The following MAN1A1 variants were observed in gnomAD, a reference collection of about 807,000 sequenced individuals.
MAN1A1 encodes the protein mannosidase alpha class 1A member 1.
MAN1A1 carries 29 observed loss-of-function variants against 70.8 expected under a neutral mutation model. The observed-to-expected ratio is 0.41, with a 90% CI of 0.31 to 0.56. The LOEUF (loss-of-function observed/expected upper bound fraction) is 0.56. Among genes scored for constraint, MAN1A1 ranks in the 20% least tolerant of loss-of-function variants. The pLI is 0.29. For synonymous variants in MAN1A1, 349 were observed against 330.1 expected (o/e 1.06, Z -0.62); for missense variants, 747 against 841.3 (o/e 0.89, Z 1.39).
At chr6:119,268,104 CATTA>C in intron 5 of MAN1A1, among the ~76,000 whole-genome samples, 1 of 152,278 alleles carries the variant, frequency 6.6e-6, no homozygotes. Context: ...GGTCCAGATC[CATTA>C]ATTCATCAGG....
chr6:119,244,204 T>C (rs1342633026), intron 6 of MAN1A1, among the ~76,000 whole-genome samples: 1 of 152,098 alleles, frequency 6.6e-6, no homozygotes, highest in Non-Finnish European at 1.5e-5. Context: ...ACAGAGGTAA[T>C]TTTTCTGCTT....
intron 2 of MAN1A1, among the ~76,000 whole-genome samples, chr6:119,347,731 C>T (rs1414033651): frequency 6.6e-6 from 1 of 152,170 alleles, no homozygotes; most frequent in Non-Finnish European, 1.5e-5. Context: ...TCACATGTTT[C>T]AAGTTCTAAC....
At chr6:119,291,142 G>A (rs1288786779) in intron 4 of MAN1A1, among the ~76,000 whole-genome samples, 2 of 151,878 alleles carry the variant, frequency 1.3e-5, no homozygotes, top group African/African-American at 4.8e-5. Context: ...TCATGGGGAG[G>A]GGTCTTTCCT....
At chr6:119,274,380 T>C (rs17514279) in intron 5 of MAN1A1, among the ~76,000 whole-genome samples, 4,429 of 152,316 alleles carry the variant, frequency 0.029, 88 homozygotes, top group South Asian at 0.073. Flanking sequence ...ATATGGTAGA[T>C]TTACGAGCTA....
intron 5 of MAN1A1, among the ~76,000 whole-genome samples, chr6:119,253,411 C>T (rs778572543): frequency 2.6e-5 from 4 of 152,174 alleles, no homozygotes; most frequent in South Asian, 2.1e-4. Context: ...CCCGACTGCA[C>T]GTTGCAAAAC....
chr6:119,287,930 T>C (rs763941573), intron 5 of MAN1A1, among the ~76,000 whole-genome samples: 2 of 152,044 alleles, frequency 1.3e-5, no homozygotes, highest in Admixed American at 6.6e-5. Flanking sequence ...GTTGAGCTTC[T>C]TATATAGCAT....
chr6:119,221,206 T>C (rs912386655), intron 6 of MAN1A1, among the ~76,000 whole-genome samples: 5 of 152,116 alleles, frequency 3.3e-5, no homozygotes, highest in African/African-American at 1.2e-4. Flanking sequence ...TATGTAATTT[T>C]TATTAGATAA....
intron 2 of MAN1A1, among the ~76,000 whole-genome samples, chr6:119,325,307 T>C (rs1773117394): frequency 1.3e-5 from 2 of 152,154 alleles, no homozygotes; most frequent in South Asian, 2.1e-4. Context: ...TTTTACACTA[T>C]ACCTGCTAAG....
chr6:119,208,753 C>T (rs1249062032), intron 6 of MAN1A1, among the ~76,000 whole-genome samples: 1 of 152,084 alleles, frequency 6.6e-6, no homozygotes, highest in African/African-American at 2.4e-5. Flanking sequence ...GAGGATTGCT[C>T]TGGATTGATG....
rs964865391 is a variant in MAN1A1 at position 119,260,216 on chromosome 6, T to C, written c.898-11862A>G. ...CAACCCACTCACAGCTCTGGTAGTATAAAAACAGGTCTTGAGCCAATTTGG... is the reference window on the plus strand; with the variant it reads ...CAACCCACTCACAGCTCTGGTAGTACAAAAACAGGTCTTGAGCCAATTTGG... On this transcript the variant is annotated intron_variant, in intron 5 of 12. Transcript: ENST00000368468. Among the ~76,000 whole-genome samples, 7 of 152,326 alleles carry C rather than the reference T, an allele frequency of 4.6e-5. No individual in the cohort carries two copies. In the East Asian group the frequency reaches 1.3e-3, roughly 29 times the overall value.
chr6:119,243,647 C>T (rs947363422), intron 6 of MAN1A1, among the ~76,000 whole-genome samples: 1 of 152,076 alleles, frequency 6.6e-6, no homozygotes, highest in East Asian at 1.9e-4. Flanking sequence ...CAGCTATGTA[C>T]TATTCTTAAT....
At chr6:119,244,370 C>A (rs1535934) in intron 6 of MAN1A1, among the ~76,000 whole-genome samples, 1 of 151,936 alleles carries the variant, frequency 6.6e-6, no homozygotes, top group Admixed American at 6.6e-5. Context: ...GTAACTTATG[C>A]ATTCTCATTC....
In MAN1A1 at chr6:119,348,843, G is replaced by A. The variant is rs752270835; in HGVS notation, c.223C>T (p.His75Tyr). ...SSKLLSGVLFHSSPALQPAAD... is the reference protein window; with the variant it reads ...SSKLLSGVLFYSSPALQPAAD... ...GCCGGCTGCAAGGCGGGGCTGGAGTGGAACAGGACCCCGCTGAGCAGCTTG... is the reference window on the plus strand; with the variant it reads ...GCCGGCTGCAAGGCGGGGCTGGAGTAGAACAGGACCCCGCTGAGCAGCTTG... The change falls in exon 2 of 13, where the codon CAC (histidine) becomes TAC (tyrosine). Residue 75 changes from histidine to tyrosine, a missense_variant. Around this residue, in one of 2 missense-constraint regions of MAN1A1, gnomAD observed 328 missense variants for 293.1 expected, o/e 1.12. Coordinates refer to ENST00000368468, the MANE Select transcript of MAN1A1 (RefSeq NM_005907.4). 6.7e-7 allele frequency: 1 copy of A among 1,503,072 alleles called. No homozygotes were observed. The highest frequency in any genetic ancestry group is 8.9e-7 in the Non-Finnish European group (1 of 1,125,846). 93.1% of individuals were successfully genotyped at this position (1,503,072 alleles called of 1,614,324 possible).
At chr6:119,292,573 T>A (rs1451507478) in intron 4 of MAN1A1, among the ~76,000 whole-genome samples, 1 of 152,008 alleles carries the variant, frequency 6.6e-6, no homozygotes, top group Non-Finnish European at 1.5e-5. Flanking sequence ...TATCCTTACA[T>A]GCTCTCTGTA....
chr6:119,212,222 G>A (rs985030572), intron 6 of MAN1A1, among the ~76,000 whole-genome samples: 1 of 151,718 alleles, frequency 6.6e-6, no homozygotes, highest in African/African-American at 2.4e-5. Flanking sequence ...CAATAATTAG[G>A]AAAATTTTTA....
At chr6:119,288,454 G>T (rs1776441288) in intron 5 of MAN1A1, among the ~76,000 whole-genome samples, 1 of 151,858 alleles carries the variant, frequency 6.6e-6, no homozygotes, top group African/African-American at 2.4e-5. Context: ...TCTATTAAAT[G>T]AATGCTCATT....
chr6:119,237,296 A>T (rs1774872516), intron 6 of MAN1A1, among the ~76,000 whole-genome samples: 1 of 152,228 alleles, frequency 6.6e-6, no homozygotes, highest in Non-Finnish European at 1.5e-5. Context: ...GCCATAAAAG[A>T]GTATCACATG....
At chr6:119,255,271 G>A (rs1775428586) in intron 5 of MAN1A1, among the ~76,000 whole-genome samples, 1 of 152,178 alleles carries the variant, frequency 6.6e-6, no homozygotes, top group African/African-American at 2.4e-5. Flanking sequence ...AAATGCTCAT[G>A]TTGAAAACTT....
chr6:119,189,680 T>C lies in MAN1A1; in HGVS notation c.1530A>G (p.Glu510=), dbSNP rs910939593. 6.2e-6 allele frequency: 10 copies of C among 1,613,966 alleles called. No individual in the cohort carries two copies. Among genetic ancestry groups the C allele is most frequent in the Non-Finnish European group, 8.5e-6 (10 of 1,180,000 alleles). Residue 510 remains glutamate, a synonymous_variant, in exon 10 of 13, where the codon GAA becomes GAG. Coordinates refer to ENST00000368468, the MANE Select transcript of MAN1A1 (RefSeq NM_005907.4). ...LGAEIARTCH[E]SYNRTFMKLG... ...TGTACTCACATGTTCGATTATATGA[T>C]TCATGACAAGTACGGGCAATTTCAG...
Sources: gnomAD v4.1 joint callset for allele counts (sites outside exome capture counted in the v4.1 genomes callset) on GRCh38, gnomAD v4.1.1 for gene constraint, gnomAD v4.1.1 regional missense constraint, MANE v1.5 for transcripts, NCBI Gene and HGNC (gene_info 2026-07-23, HGNC 2026-07-21) for gene names.